The following PLEKHA6 variants were observed in gnomAD, a reference collection of about 807,000 sequenced individuals.
PLEKHA6 encodes pleckstrin homology domain containing A6.
In PLEKHA6, 60 loss-of-function variants were observed where a neutral mutation model predicts 116.7. The ratio of observed to expected loss-of-function variants is 0.51; its 90% CI spans 0.42 to 0.64. The LOEUF is 0.64. Ranked by LOEUF, PLEKHA6 falls within the 30% of genes least tolerant of loss-of-function variation. The pLI is 0.00. For synonymous variants in PLEKHA6, 489 were observed against 556.1 expected, an observed-to-expected ratio of 0.88 and a Z score of 1.70; for missense variants, 1,338 against 1,422.7, an observed-to-expected ratio of 0.94 and a Z score of 0.96.
chr1:204,318,852 A>G (rs953976837), intron 1 of PLEKHA6, among the ~76,000 whole-genome samples: 10 of 152,130 alleles, frequency 6.6e-5, no homozygotes, highest in African/African-American at 1.7e-4. Context: ...CATTTTCTCC[A>G]TGGTCCAGAG....
At chr1:204,352,643 A>G (rs947045612) in intron 1 of PLEKHA6, among the ~76,000 whole-genome samples, 6 of 152,130 alleles carry the variant, frequency 3.9e-5, no homozygotes, top group African/African-American at 1.4e-4. Flanking sequence ...CATATACAGC[A>G]TGGTCGTTTG....
chr1:204,229,223 T>A, intron 18 of PLEKHA6, 119 bp from the exon 19 acceptor site: 1 of 935,398 alleles, frequency 1.1e-6, no homozygotes, highest in East Asian at 2.6e-5. Flanking sequence ...ACCCCACTGC[T>A]CCCACCATAC....
chr1:204,333,764 C>T (rs889539863), intron 1 of PLEKHA6, among the ~76,000 whole-genome samples: 55 of 152,220 alleles, frequency 3.6e-4, no homozygotes, highest in Non-Finnish European at 1.5e-5. Flanking sequence ...CTCCTGGCCC[C>T]TGCTCTCCAG....
rs576184033 is a variant in PLEKHA6, at chr1:204,355,318, T to C, written c.-95+4376A>G. ...GAAGCTTATGAGATAGGTAGCATTA[T>C]CTTCATTTTACAAATGGAGAAACTG... On this transcript the variant is annotated intron_variant, in intron 1 of 22. Transcript: ENST00000272203. 3.9e-5 allele frequency among the ~76,000 whole-genome samples: 6 copies of C among 152,400 alleles called. No homozygotes were observed. In the East Asian group the frequency reaches 1.2e-3, roughly 29 times the overall value.
intron 1 of PLEKHA6, chr1:204,325,999 C>A: frequency 1.6e-6 from 1 of 639,824 alleles, no homozygotes; most frequent in East Asian, 1.4e-4. Flanking sequence ...CCATTCCTCA[C>A]CCTGCCCAGC....
At chr1:204,273,498 C>G in intron 3 of PLEKHA6, 128 bp downstream of exon 3, 1 of 689,812 alleles carries the variant, frequency 1.4e-6, no homozygotes. Context: ...CCTGGGTCAC[C>G]TTGCCTACTC....
chr1:204,258,360 C>T (rs1250783377), intron 8 of PLEKHA6, among the ~76,000 whole-genome samples: 1 of 152,204 alleles, frequency 6.6e-6, no homozygotes, highest in Non-Finnish European at 1.5e-5. Flanking sequence ...AACTCCTGGG[C>T]TCAAGCAATC....
At chr1:204,369,130 G>C (rs924781740) in intron 2 of PLEKHA6, 1 of 152,226 alleles carries the variant, frequency 6.6e-6, no homozygotes, top group Non-Finnish European at 1.5e-5. Context: ...GCCAGGACTT[G>C]GCCCACCTAT....
At chr1:204,310,913 G>A (rs906574331) in intron 1 of PLEKHA6, among the ~76,000 whole-genome samples, 1 of 152,180 alleles carries the variant, frequency 6.6e-6, no homozygotes, top group Non-Finnish European at 1.5e-5. Context: ...GAATGCCTCC[G>A]GTGATGATGC....
At chr1:204,340,371 T>C (rs898875867) in intron 1 of PLEKHA6, among the ~76,000 whole-genome samples, 15 of 152,190 alleles carry the variant, frequency 9.9e-5, no homozygotes, top group African/African-American at 3.6e-4. Flanking sequence ...AGGCGGCTGC[T>C]GGGGTAAATA....
At chr1:204,232,566 C>T (rs1304292733) in intron 17 of PLEKHA6, among the ~76,000 whole-genome samples, 1 of 152,086 alleles carries the variant, frequency 6.6e-6, no homozygotes. Context: ...GTTATACATA[C>T]AGAAACACTG....
In PLEKHA6 at chr1:204,223,283, C is replaced by T. The variant is rs889245036; in HGVS notation, c.*8+179G>A. Reference sequence around the variant, plus strand: ...GCCAGCTGGCTCCAGCCCAGCACTGCGTGGGGAAGCTGGATGGACGGATGG... The same window carrying T: ...GCCAGCTGGCTCCAGCCCAGCACTGTGTGGGGAAGCTGGATGGACGGATGG... On this transcript the variant is annotated intron_variant, in intron 22 of 22. Transcript: ENST00000272203. This position sits in a 1 kb window ranked among gnomAD's most constrained non-coding sequence, Gnocchi z 4.8. 2.0e-5 allele frequency among the ~76,000 whole-genome samples: 3 copies of T among 151,940 alleles called. No individual in the cohort carries two copies. Among genetic ancestry groups the T allele is most frequent in the Admixed American group, 6.6e-5 (1 of 15,264 alleles).
At chr1:204,274,551 G>T (rs1237049592) in intron 2 of PLEKHA6, 178 bp downstream of exon 2, 2 of 964,106 alleles carry the variant, frequency 2.1e-6, no homozygotes, top group Non-Finnish European at 2.5e-6. Flanking sequence ...GTGGATGAGG[G>T]TGTCAAGCCA....
intron 1 of PLEKHA6, among the ~76,000 whole-genome samples, chr1:204,377,225 A>G (rs1673885791): frequency 6.6e-6 from 1 of 152,196 alleles, no homozygotes; most frequent in Non-Finnish European, 1.5e-5. Context: ...GGAAAATGAA[A>G]GACCTACCTC....
chr1:204,228,031 C>A lies in PLEKHA6; in HGVS notation c.3031+52G>T. 1 of 1,589,192 alleles carries A rather than the reference C, an allele frequency of 6.3e-7. No homozygotes were observed. The highest frequency in any genetic ancestry group is 2.3e-5 in the East Asian group (1 of 44,416). On this transcript the variant is annotated intron_variant, in intron 21 of 22. Coordinates refer to ENST00000272203, the MANE Select transcript of PLEKHA6 (RefSeq NM_014935.5). The surrounding 1 kb of genome is among the most constrained non-coding windows in gnomAD (Gnocchi z 4.0). ...GCAGTGCCACGCTTCCTCCCTTAAACCTGGTCAGCTGGTTTCCCTGGCAGG... is the reference window on the plus strand; with the variant it reads ...GCAGTGCCACGCTTCCTCCCTTAAAACTGGTCAGCTGGTTTCCCTGGCAGG...
In PLEKHA6 at chr1:204,248,744, A is replaced by G. The variant is rs1025631178; in HGVS notation, c.1824+77T>C. The stretch of plus-strand genomic sequence containing the variant: ...CCTCTGAGGAAAACTGGACTAGGAC[A>G]GCACAAGCTGGGAGGTGGTGGCCCT... On this transcript the variant is annotated intron_variant, in intron 12 of 22. Coordinates refer to ENST00000272203, the MANE Select transcript of PLEKHA6 (RefSeq NM_014935.5). 7.9e-6 allele frequency: 11 copies of G among 1,383,900 alleles called. No individual in the cohort carries two copies. The African/African-American group carries it at 1.4e-4, about 18-fold the overall frequency. The allele number at this position is 1,383,900 out of a possible 1,614,324, so 85.7% of individuals were successfully genotyped here.
chr1:204,330,336 C>T (rs552171184), intron 1 of PLEKHA6, among the ~76,000 whole-genome samples: 8 of 152,228 alleles, frequency 5.3e-5, no homozygotes, highest in South Asian at 2.1e-4. Flanking sequence ...ATTCAGCTGT[C>T]TAGGATTTGC....
chr1:204,274,210 G>C (rs962019504), intron 2 of PLEKHA6, among the ~76,000 whole-genome samples: 1 of 152,164 alleles, frequency 6.6e-6, no homozygotes, highest in Non-Finnish European at 1.5e-5. Context: ...GAGATTACAG[G>C]CATGAGCCAC....
chr1:204,322,229 A>C (rs957224942), intron 1 of PLEKHA6, among the ~76,000 whole-genome samples: 4 of 152,148 alleles, frequency 2.6e-5, no homozygotes, highest in African/African-American at 9.7e-5. Context: ...CCGCCCCCCT[A>C]CACACACCCC....
Sources: allele counts gnomAD v4.1 joint callset (sites outside exome capture counted in the v4.1 genomes callset), GRCh38; gene constraint gnomAD v4.1.1; non-coding constraint Gnocchi (gnomAD v3.1); transcripts MANE v1.5; gene names NCBI Gene and HGNC (gene_info 2026-07-23, HGNC 2026-07-21).